PRTFDC1: variants seen among roughly 807,000 people sequenced by gnomAD.
The protein encoded by PRTFDC1 is phosphoribosyl transferase domain containing 1.
PRTFDC1 carries 38 observed loss-of-function variants against 34.6 expected under a neutral mutation model. That is an observed-to-expected ratio of 1.10 (90% CI 0.85 to 1.44). The LOEUF (loss-of-function observed/expected upper bound fraction) is 1.44. Among genes scored for constraint, PRTFDC1 ranks in the 40% most tolerant of loss-of-function variants. PRTFDC1 has a pLI of 0.00. For missense variants in PRTFDC1, 270 were observed against 283.0 expected (o/e 0.95, Z 0.33); for synonymous variants, 93 against 98.1 (o/e 0.95, Z 0.31).
chr10:24,928,870 T>C (rs1848922647), intron 3 of PRTFDC1, among the ~76,000 whole-genome samples: 1 of 151,366 alleles, frequency 6.6e-6, no homozygotes, highest in Non-Finnish European at 1.5e-5. Context: ...ACCCTGTCTC[T>C]ACTAAAAAAC....
chr10:24,870,008 T>C (rs1847846940), intron 4 of PRTFDC1, among the ~76,000 whole-genome samples: 1 of 152,238 alleles, frequency 6.6e-6, no homozygotes, highest in Non-Finnish European at 1.5e-5. Flanking sequence ...TCATGCTGAC[T>C]TCCTGGTTGG....
At chr10:24,880,843 CTTT>C (rs1848062347) in intron 3 of PRTFDC1, among the ~76,000 whole-genome samples, 3 of 148,378 alleles carry the variant, frequency 2.0e-5, no homozygotes, top group African/African-American at 7.6e-5. Context: ...TTCTTTCTTT[CTTT>C]CTTTCTTTCT....
At chr10:24,924,013 C>T (rs949664373) in intron 3 of PRTFDC1, among the ~76,000 whole-genome samples, 1 of 152,092 alleles carries the variant, frequency 6.6e-6, no homozygotes, top group Non-Finnish European at 1.5e-5. Context: ...CATGCACAAG[C>T]TTCAATAGCT....
At chr10:24,876,454 G>A (rs1847964296) in intron 3 of PRTFDC1, among the ~76,000 whole-genome samples, 1 of 152,048 alleles carries the variant, frequency 6.6e-6, no homozygotes, top group Non-Finnish European at 1.5e-5. Context: ...CCAGCACTTT[G>A]GGAGGCCGAG....
rs367808351 is a variant in PRTFDC1 at position 24,856,944 on chromosome 10, T to C, written c.475A>G (p.Lys159Glu). 36 of 1,613,576 alleles carry C rather than the reference T, an allele frequency of 2.2e-5. No individual in the cohort carries two copies. The highest frequency in any genetic ancestry group is 2.6e-5 in the Non-Finnish European group (31 of 1,179,602). Residue 159 changes from lysine (K) to glutamate (E), a missense_variant, in exon 6 of 9, where the codon AAA becomes GAA. Transcript: ENST00000320152. The part of the protein sequence containing the change: ...TMKALLSNIE[K>E]YKPNMIKVAS... ...ACCTTAATCATGTTGGGCTTGTATT[T>C]CTCTATATTGCTGAGTAGTGCTTTC...
chr10:24,923,835 C>T (rs193243271), intron 3 of PRTFDC1, among the ~76,000 whole-genome samples: 246 of 152,116 alleles, frequency 1.6e-3, no homozygotes, highest in Middle Eastern at 3.4e-3. Context: ...TTCAGAAGGT[C>T]GGTAATAACA....
At chr10:24,895,257 T>A (rs567494703) in intron 3 of PRTFDC1, among the ~76,000 whole-genome samples, 1 of 140,378 alleles carries the variant, frequency 7.1e-6, no homozygotes, top group African/African-American at 2.7e-5. Context: ...CACTTTCTTT[T>A]TTTTTTTTTT....
chr10:24,947,760 A>G (rs1270299040), intron 1 of PRTFDC1, among the ~76,000 whole-genome samples: 1 of 151,954 alleles, frequency 6.6e-6, no homozygotes, highest in Non-Finnish European at 1.5e-5. Context: ...CCTTCAGGCC[A>G]TAGCTCTCAT....
At chr10:24,929,595 T>C (rs1019516732) in intron 3 of PRTFDC1, among the ~76,000 whole-genome samples, 46 of 152,194 alleles carry the variant, frequency 3.0e-4, no homozygotes, top group African/African-American at 1.0e-3. Context: ...AGTTTGAAGA[T>C]TGTATTTTGT....
chr10:24,927,579 C>T (rs1848897373), intron 3 of PRTFDC1, among the ~76,000 whole-genome samples: 1 of 133,170 alleles, frequency 7.5e-6, no homozygotes, highest in African/African-American at 3.2e-5. Flanking sequence ...TTGCGGGACC[C>T]AATTTTTTTT....
intron 3 of PRTFDC1, among the ~76,000 whole-genome samples, chr10:24,894,981 G>A (rs886584730): frequency 5.3e-5 from 8 of 152,148 alleles, no homozygotes; most frequent in Admixed American, 3.3e-4. Flanking sequence ...GAGAAGCCGA[G>A]TGGTTCATGA....
intron 1 of PRTFDC1, among the ~76,000 whole-genome samples, chr10:24,943,735 A>G (rs1223461032): frequency 1.3e-5 from 2 of 151,854 alleles, no homozygotes; most frequent in African/African-American, 4.8e-5. Flanking sequence ...TGTTTTTTGT[A>G]GAGATGGGGT....
At chr10:24,858,976 A>G (rs936296883) in intron 4 of PRTFDC1, among the ~76,000 whole-genome samples, 4 of 152,146 alleles carry the variant, frequency 2.6e-5, no homozygotes, top group African/African-American at 9.7e-5. Flanking sequence ...ATTCTTTGCA[A>G]CAAGCTCTCA....
intron 6 of PRTFDC1, 69 bp downstream of exon 6, chr10:24,856,844 C>A: frequency 7.5e-7 from 1 of 1,330,586 alleles, no homozygotes; most frequent in Non-Finnish European, 1.1e-6. Context: ...AAAGAGCATC[C>A]TGTGTTAGCA....
rs781724598 is a variant in PRTFDC1 at position 24,952,585 on chromosome 10, G to A, written c.-10C>T. On this transcript the variant is annotated 5_prime_UTR_variant, in exon 1 of 9. Coordinates refer to ENST00000320152, the MANE Select transcript of PRTFDC1 (RefSeq NM_020200.7). The surrounding 1 kb of genome is among the most constrained non-coding windows in gnomAD (Gnocchi z 5.1). ...CGCTGCTCCCGGCCATGTTTCTCCC[G>A]GGGAACGCGGGAAGGGAAGACGGCG... 24 of 1,582,660 alleles carry A rather than the reference G, an allele frequency of 1.5e-5. No individual in the cohort carries two copies. The highest frequency in any genetic ancestry group is 2.1e-5 in the Non-Finnish European group (24 of 1,164,660).
chr10:24,938,674 A>G (rs1429744627), intron 2 of PRTFDC1, among the ~76,000 whole-genome samples: 2 of 152,178 alleles, frequency 1.3e-5, no homozygotes, highest in East Asian at 1.9e-4. Flanking sequence ...AGGAGGTTAG[A>G]CAGTCATAGA....
chr10:24,942,574 C>T (rs1849180229), intron 1 of PRTFDC1, 138 bp from the exon 2 acceptor site: 1 of 698,806 alleles, frequency 1.4e-6, no homozygotes, highest in South Asian at 1.7e-5. Context: ...GTTTCCACAA[C>T]CTGATACAAG....
intron 4 of PRTFDC1, among the ~76,000 whole-genome samples, chr10:24,870,876 C>T (rs992944364): frequency 2.0e-5 from 3 of 151,496 alleles, no homozygotes; most frequent in South Asian, 2.1e-4. Context: ...GTTTGAGACC[C>T]GCCTGGCCAA....
At chr10:24,875,849 T>G (rs1204715302) in intron 3 of PRTFDC1, among the ~76,000 whole-genome samples, 1 of 27,224 alleles carries the variant, frequency 3.7e-5, no homozygotes, top group Non-Finnish European at 9.4e-5. Context: ...TCTCATAGTT[T>G]TTTTTTTTTT....
Sources: allele counts gnomAD v4.1 joint callset (sites outside exome capture counted in the v4.1 genomes callset), GRCh38; gene constraint gnomAD v4.1.1; non-coding constraint Gnocchi (gnomAD v3.1); transcripts MANE v1.5; gene names NCBI Gene and HGNC (gene_info 2026-07-23, HGNC 2026-07-21).